The following GALNT17 variants were observed in gnomAD, a reference collection of about 807,000 sequenced individuals.
GALNT17 encodes the protein polypeptide N-acetylgalactosaminyltransferase 17.
Under a neutral mutation model 63.7 loss-of-function variants are expected in GALNT17, and 29 were observed. The ratio of observed to expected loss-of-function variants is 0.46; its 90% confidence interval spans 0.34 to 0.62. GALNT17 has a LOEUF of 0.62. GALNT17 is among the 20% of genes least tolerant of loss of function. GALNT17 has a pLI of 0.01. For synonymous variants in GALNT17, 305 were observed against 318.3 expected (o/e 0.96, Z 0.45); for missense variants, 603 against 799.6 (o/e 0.75, Z 2.97).
At chr7:71,641,107 G>A (rs1790596925) in intron 6 of GALNT17, among the ~76,000 whole-genome samples, 1 of 152,170 alleles carries the variant, frequency 6.6e-6, no homozygotes, top group Admixed American at 6.5e-5. Context: ...CAGACCAGAG[G>A]TCTGTCATTG....
At chr7:71,497,458 T>A (rs1353369055) in intron 5 of GALNT17, among the ~76,000 whole-genome samples, 1 of 152,224 alleles carries the variant, frequency 6.6e-6, no homozygotes, top group Non-Finnish European at 1.5e-5. Context: ...GGTGTGTCTC[T>A]GTCCATTTCC....
chr7:71,335,497 AC>A, intron 1 of GALNT17, 52 bp from the exon 2 acceptor site: 1 of 1,468,376 alleles, frequency 6.8e-7, no homozygotes, highest in Non-Finnish European at 9.1e-7. Flanking sequence ...ATTGAGTAAT[AC>A]ATCCTGGTAT....
chr7:71,638,091 T>C (rs975514737), intron 6 of GALNT17, among the ~76,000 whole-genome samples: 1 of 152,176 alleles, frequency 6.6e-6, no homozygotes, highest in African/African-American at 2.4e-5. Context: ...TTTTACACCA[T>C]AGAGGGTAAC....
At chr7:71,298,472 G>T (rs1182526503) in intron 1 of GALNT17, among the ~76,000 whole-genome samples, 1 of 152,192 alleles carries the variant, frequency 6.6e-6, no homozygotes, top group Non-Finnish European at 1.5e-5. Context: ...ACGCAGGACT[G>T]AAGTTGGTCC....
At chr7:71,316,861 A>G (rs1253110821) in intron 1 of GALNT17, among the ~76,000 whole-genome samples, 1 of 152,214 alleles carries the variant, frequency 6.6e-6, no homozygotes, top group Non-Finnish European at 1.5e-5. Context: ...TCTGTAGGTC[A>G]TGAAACCCCT....
intron 5 of GALNT17, among the ~76,000 whole-genome samples, chr7:71,446,687 T>TA (rs1787165716): frequency 6.6e-6 from 1 of 152,162 alleles, no homozygotes; most frequent in Non-Finnish European, 1.5e-5. Context: ...TAGCTGGGAT[T>TA]ACAGGCATGT....
At chr7:71,526,303 A>C (rs1584026115) in intron 5 of GALNT17, among the ~76,000 whole-genome samples, 1 of 152,194 alleles carries the variant, frequency 6.6e-6, no homozygotes, top group East Asian at 1.9e-4. Context: ...TCTGTCAAAA[A>C]CCAATTTCTT....
intron 6 of GALNT17, among the ~76,000 whole-genome samples, chr7:71,600,542 C>T (rs1458387108): frequency 1.3e-5 from 2 of 152,054 alleles, no homozygotes; most frequent in African/African-American, 4.8e-5. Flanking sequence ...TGCAGCTGCT[C>T]TTATTTATCT....
chr7:71,421,034 G>A lies in GALNT17; in HGVS notation c.891G>A (p.Trp297Ter). ...RYENSAHGYS[W>*]ELWCMYISPP... ...AGAACTCGGCCCACGGGTACAGCTG[G>A]GAGCTGTGGTGCATGTACATCAGCC... Residue 297 changes from tryptophan (W) to a stop codon, truncating the protein, a stop_gained, in exon 5 of 11, where the codon TGG becomes TGA. Coordinates refer to ENST00000333538, the MANE Select transcript of GALNT17 (RefSeq NM_022479.3). LOFTEE classifies it high-confidence loss of function. 6.2e-7 allele frequency: 1 copy of A among 1,614,138 alleles called. No individual in the cohort carries two copies. Among genetic ancestry groups the A allele is most frequent in the Non-Finnish European group, 8.5e-7 (1 of 1,180,014 alleles).
At chr7:71,509,254 G>A (rs1360022492) in intron 5 of GALNT17, among the ~76,000 whole-genome samples, 1 of 152,210 alleles carries the variant, frequency 6.6e-6, no homozygotes, top group Non-Finnish European at 1.5e-5. Flanking sequence ...GCTAATGTAA[G>A]TGTTCTGAGC....
chr7:71,262,485 T>C (rs1313038628), intron 1 of GALNT17, among the ~76,000 whole-genome samples: 1 of 152,148 alleles, frequency 6.6e-6, no homozygotes, highest in Admixed American at 6.6e-5. Flanking sequence ...CAATTTCAAT[T>C]CTTGGGAACT....
chr7:71,520,059 T>A (rs1357703623), intron 5 of GALNT17, among the ~76,000 whole-genome samples: 1 of 152,072 alleles, frequency 6.6e-6, no homozygotes, highest in African/African-American at 2.4e-5. Flanking sequence ...CAAGAGGCAG[T>A]CCCAGCCCTC....
At chr7:71,541,001 G>T (rs773773810) in intron 5 of GALNT17, among the ~76,000 whole-genome samples, 16 of 152,118 alleles carry the variant, frequency 1.1e-4, no homozygotes, top group Non-Finnish European at 1.8e-4. Flanking sequence ...CACTTTGGGA[G>T]GTCGAGGTGG....
chr7:71,382,992 TCA>T (rs1563052311), intron 2 of GALNT17, among the ~76,000 whole-genome samples: 1 of 152,146 alleles, frequency 6.6e-6, no homozygotes, highest in African/African-American at 2.4e-5. Context: ...CTGCACCCAA[TCA>T]CAATAATTTC....
At chr7:71,191,070 T>C (rs893216450) in intron 1 of GALNT17, among the ~76,000 whole-genome samples, 5 of 152,178 alleles carry the variant, frequency 3.3e-5, no homozygotes, top group Non-Finnish European at 5.9e-5. Flanking sequence ...TGAGATGTAA[T>C]TTACATACAG....
intron 1 of GALNT17, among the ~76,000 whole-genome samples, chr7:71,315,979 G>T (rs143688014): frequency 6.6e-6 from 1 of 152,126 alleles, no homozygotes; most frequent in Non-Finnish European, 1.5e-5. Context: ...GTCAACTACG[G>T]TGAGAGGGCC....
At chr7:71,217,859 C>T (rs1027071546) in intron 1 of GALNT17, among the ~76,000 whole-genome samples, 28 of 151,214 alleles carry the variant, frequency 1.9e-4, no homozygotes, top group Middle Eastern at 3.4e-3. Flanking sequence ...ACTCCGGAGG[C>T]GGAGCTTGCA....
At chr7:71,644,079 T>A (rs1790640529) in intron 6 of GALNT17, among the ~76,000 whole-genome samples, 1 of 152,062 alleles carries the variant, frequency 6.6e-6, no homozygotes, top group South Asian at 2.1e-4. Flanking sequence ...ATACCTAATA[T>A]TTATAAAAGA....
intron 3 of GALNT17, among the ~76,000 whole-genome samples, chr7:71,414,105 G>C (rs1209622206): frequency 2.0e-5 from 3 of 152,068 alleles, no homozygotes; most frequent in Non-Finnish European, 4.4e-5. Context: ...GCCGGCTGTG[G>C]TGACACATGC....
Sources: gnomAD v4.1 joint callset for allele counts (sites outside exome capture counted in the v4.1 genomes callset) on GRCh38, gnomAD v4.1.1 for gene constraint, MANE v1.5 for transcripts, NCBI Gene and HGNC (gene_info 2026-07-23, HGNC 2026-07-21) for gene names.